NFIC: variants seen among roughly 807,000 people sequenced by gnomAD.
NFIC encodes nuclear factor I C, also known as nuclear factor 1 C-type.
NFIC carries 12 observed loss-of-function variants against 54.4 expected under a neutral mutation model. The ratio of observed to expected loss-of-function variants is 0.22; its 90% CI spans 0.14 to 0.36. The LOEUF (loss-of-function observed/expected upper bound fraction) is 0.36. Ranked by LOEUF, NFIC falls within the 10% of genes least tolerant of loss-of-function variation. The pLI, the probability that NFIC is intolerant of heterozygous loss-of-function variation, is 1.00. For synonymous variants in NFIC, 322 were observed against 319.2 expected (o/e 1.01, Z -0.09); for missense variants, 575 against 718.2 (o/e 0.80, Z 2.28).
intron 6 of NFIC, among the ~76,000 whole-genome samples, chr19:3,447,645 C>A (rs2082393128): frequency 6.6e-6 from 1 of 152,246 alleles, no homozygotes; most frequent in African/African-American, 2.4e-5. Flanking sequence ...CTGGCCCAAT[C>A]CTCACAGCTG....
chr19:3,423,922 G>C (rs1320371137), intron 2 of NFIC, among the ~76,000 whole-genome samples: 4 of 152,194 alleles, frequency 2.6e-5, no homozygotes, highest in African/African-American at 9.7e-5. Flanking sequence ...CTGGTCCTCA[G>C]TTTCCCCATC....
chr19:3,382,972 C>T (rs1049970512), intron 2 of NFIC, among the ~76,000 whole-genome samples: 3 of 150,736 alleles, frequency 2.0e-5, no homozygotes, highest in Non-Finnish European at 4.4e-5. Context: ...GGCTGTGGCG[C>T]TCCAATGGTA....
At chr19:3,439,261 G>A (rs2082253772) in intron 6 of NFIC, among the ~76,000 whole-genome samples, 1 of 141,022 alleles carries the variant, frequency 7.1e-6, no homozygotes, top group Non-Finnish European at 1.5e-5. Context: ...CTTAAGACGG[G>A]AGGTCAAAGC....
rs535582417 is a variant in NFIC at position 3,371,666 on chromosome 19, C to T, written c.30+5000C>T. 3.3e-5 allele frequency: 5 copies of T among 152,278 alleles called. 1 individual carries two copies. Among genetic ancestry groups the T allele is most frequent in the South Asian group, 2.1e-4 (1 of 4,832 alleles). 9.4% of individuals were successfully genotyped at this position (152,278 alleles called of 1,614,324 possible). A position where few individuals can be genotyped will look rare whatever the true frequency, so the allele number is the denominator to read the frequency against. On this transcript the variant is annotated intron_variant, in intron 1 of 10. Coordinates refer to ENST00000443272, the MANE Select transcript of NFIC (RefSeq NM_001245002.2). ...TACAGTAGGTGCCAAATAAGTGCTG[C>T]TGTGCTTATGGTTGTTGCTAAACTA...
rs535702310 is a variant in NFIC at position 3,370,266 on chromosome 19, T to C, written c.30+3600T>C. Among the ~76,000 whole-genome samples, 4 of 152,040 alleles carry C rather than the reference T, an allele frequency of 2.6e-5. No individual in the cohort carries two copies. The South Asian group carries it at 8.3e-4, about 32-fold the overall frequency. ...TCTGGCGGCTTGGGCAGGTGGGCGCTCTCTCCCCGTGTGCCCCCCACCCGG... is the reference window on the plus strand; with the variant it reads ...TCTGGCGGCTTGGGCAGGTGGGCGCCCTCTCCCCGTGTGCCCCCCACCCGG... On this transcript the variant is annotated intron_variant, in intron 1 of 10. Transcript: ENST00000443272. The surrounding 1 kb of genome is among the most constrained non-coding windows in gnomAD (Gnocchi z 5.2).
chr19:3,463,349 A>G lies in NFIC; in HGVS notation c.*580A>G. 1 of 986,316 alleles carries G rather than the reference A, an allele frequency of 1.0e-6. No individual in the cohort carries two copies. Among genetic ancestry groups the G allele is most frequent in the Non-Finnish European group, 1.2e-6 (1 of 830,704 alleles). The allele number at this position is 986,316 out of a possible 1,614,324, so 61.1% of individuals were successfully genotyped here. A position where few individuals can be genotyped will look rare whatever the true frequency, so the allele number is the denominator to read the frequency against. ...GCAGCCACTGGGGGGAAAGGGAGAC[A>G]CAGCGGACCCCGGCCGGGCAGCGGA... On this transcript the variant is annotated 3_prime_UTR_variant, in exon 11 of 11. Coordinates refer to ENST00000443272, the MANE Select transcript of NFIC (RefSeq NM_001245002.2).
At chr19:3,398,431 G>A (rs1243665605) in intron 2 of NFIC, among the ~76,000 whole-genome samples, 3 of 152,102 alleles carry the variant, frequency 2.0e-5, no homozygotes, top group South Asian at 2.1e-4. Flanking sequence ...TGGTGTCATC[G>A]CCTCCTCCCT....
chr19:3,359,790 GC>G, intron 1 of NFIC: 1 of 1,207,772 alleles, frequency 8.3e-7, no homozygotes, highest in Non-Finnish European at 1.1e-6. Context: ...GGCGGGGGCC[GC>G]CCGGAGGAGG....
At chr19:3,373,162 G>A (rs1054832068) in intron 1 of NFIC, among the ~76,000 whole-genome samples, 1 of 152,086 alleles carries the variant, frequency 6.6e-6, no homozygotes, top group African/African-American at 2.4e-5. Flanking sequence ...CGTAGTAGAC[G>A]TGATAGCTCA....
In NFIC at chr19:3,375,306, C is replaced by T. The variant is rs1005846440; in HGVS notation, c.31-6406C>T. ...TTGTCCGGGCCTCCTGCCCGCCTGGCATCTCCTCCACAGGCAGGTCCTGCG... is the reference window on the plus strand; with the variant it reads ...TTGTCCGGGCCTCCTGCCCGCCTGGTATCTCCTCCACAGGCAGGTCCTGCG... On this transcript the variant is annotated intron_variant, in intron 1 of 10. Transcript: ENST00000443272. The surrounding 1 kb of genome is among the most constrained non-coding windows in gnomAD (Gnocchi z 4.6). 3.9e-5 allele frequency among the ~76,000 whole-genome samples: 6 copies of T among 152,276 alleles called. No individual in the cohort carries two copies. Among genetic ancestry groups the T allele is most frequent in the Admixed American group, 2.0e-4 (3 of 15,298 alleles).
At chr19:3,449,248 C>T in intron 7 of NFIC, 109 bp downstream of exon 7, 1 of 1,444,426 alleles carries the variant, frequency 6.9e-7, no homozygotes, top group Non-Finnish European at 9.1e-7. Context: ...ATTGCTGTAG[C>T]CTTCTAGGTG....
rs1291497552 is a variant in NFIC, at chr19:3,464,153, G to A, written c.*1384G>A. The A allele has an allele frequency of 3.0e-6, 3 of 985,200 alleles. No individual in the cohort carries two copies. The East Asian group carries it at 3.4e-4, about 112-fold the overall frequency. The allele number at this position is 985,200 out of a possible 1,614,324, so 61.0% of individuals were successfully genotyped here. Reference sequence around the variant, plus strand: ...TGGTGCCTCCCAGCGAAGGGGGACCGCCGTTTGCACTTTCATCGCCTACCC... The same window carrying A: ...TGGTGCCTCCCAGCGAAGGGGGACCACCGTTTGCACTTTCATCGCCTACCC... On this transcript the variant is annotated 3_prime_UTR_variant, in exon 11 of 11. Transcript: ENST00000443272.
chr19:3,392,156 C>G (rs1309369965), intron 2 of NFIC, among the ~76,000 whole-genome samples: 1 of 149,216 alleles, frequency 6.7e-6, no homozygotes, highest in African/African-American at 2.5e-5. Context: ...ACTGCAACCT[C>G]CACCTCCCGG....
chr19:3,388,151 G>A (rs7255525), intron 2 of NFIC, among the ~76,000 whole-genome samples: 11,378 of 152,152 alleles, frequency 0.075, 699 homozygotes, highest in East Asian at 0.28. Context: ...CGGGAATGGC[G>A]CGGTGGGCAG....
chr19:3,449,259 G>A (rs906004581), intron 7 of NFIC, 120 bp downstream of exon 7: 184 of 1,414,448 alleles, frequency 1.3e-4, no homozygotes, highest in Admixed American at 3.6e-4. Flanking sequence ...CTTCTAGGTG[G>A]GCAAAAAACC....
intron 2 of NFIC, among the ~76,000 whole-genome samples, chr19:3,408,559 A>G (rs1446034219): frequency 6.6e-6 from 1 of 152,092 alleles, no homozygotes; most frequent in Non-Finnish European, 1.5e-5. Context: ...CTCGCACCTC[A>G]GCCTCCTGAG....
chr19:3,394,972 G>C (rs2081439317), intron 2 of NFIC, among the ~76,000 whole-genome samples: 1 of 152,130 alleles, frequency 6.6e-6, no homozygotes, highest in African/African-American at 2.4e-5. Context: ...GGAGGCTGCT[G>C]TTCCAGAGAA....
rs752121740 is a variant in NFIC, at chr19:3,366,675, C to T, written c.30+9C>T. 2 of 1,416,650 alleles carry T rather than the reference C, an allele frequency of 1.4e-6. No homozygotes were observed. Among genetic ancestry groups the T allele is most frequent in the East Asian group, 5.6e-5 (2 of 35,904 alleles). 87.8% of individuals were successfully genotyped at this position (1,416,650 alleles called of 1,614,324 possible). ...CGCTCTGCCTCACCCAGGTACGGTC[C>T]TCGCCCGGCCCCCCGCCGGCGCCCC... On this transcript the variant is annotated intron_variant, in intron 1 of 10. Coordinates refer to ENST00000443272, the MANE Select transcript of NFIC (RefSeq NM_001245002.2).
At position 3,464,318 on chromosome 19, in the gene NFIC, TGTAGGGGGCCTCCCATCTGCTAAGC is replaced by T. The variant is rs1369898410; in HGVS notation, c.*1552_*1576del. 1.0e-6 allele frequency: 1 copy of T among 984,868 alleles called. No homozygotes were observed. The highest frequency in any genetic ancestry group is 1.2e-6 in the Non-Finnish European group (1 of 829,816). The allele number at this position is 984,868 out of a possible 1,614,324, so 61.0% of individuals were successfully genotyped here. The stretch of plus-strand genomic sequence containing the variant: ...CGCACCTTGGGGCCCCCCGCAGCCG[TGTAGGGGGCCTCCCATCTGCTAAGC>T]GTTTTTCCGTTGAGCCGCTCCAAAA... On this transcript the variant is annotated 3_prime_UTR_variant, in exon 11 of 11. Coordinates refer to ENST00000443272, the MANE Select transcript of NFIC (RefSeq NM_001245002.2).
Sources: gnomAD v4.1 joint callset for allele counts (sites outside exome capture counted in the v4.1 genomes callset) on GRCh38, gnomAD v4.1.1 for gene constraint, Gnocchi (gnomAD v3.1) non-coding constraint, MANE v1.5 for transcripts, NCBI Gene and HGNC (gene_info 2026-07-23, HGNC 2026-07-21) for gene names.